SHISAL1: variants seen among roughly 807,000 people sequenced by gnomAD.
The protein encoded by SHISAL1 is protein shisa-like-1.
SHISAL1 carries 9 observed loss-of-function variants against 22.6 expected under a neutral mutation model. The observed-to-expected ratio is 0.40, with a 90% CI of 0.24 to 0.70. SHISAL1 has a LOEUF of 0.70. Ranked by LOEUF, SHISAL1 falls within the 30% of genes least tolerant of loss-of-function variation. SHISAL1 has a pLI of 0.39. For missense variants in SHISAL1, 246 were observed against 270.6 expected (o/e 0.91, Z 0.64); for synonymous variants, 119 against 115.4 (o/e 1.03, Z -0.20).
intron 4 of SHISAL1, among the ~76,000 whole-genome samples, chr22:44,259,473 T>TAA (rs35901732): frequency 0.32 from 44,849 of 141,796 alleles, 7,673 homozygotes; most frequent in Non-Finnish European, 0.4. Context: ...TAAAAATTAT[T>TAA]AAAAAAAAAA....
At chr22:44,300,851 C>T in intron 2 of SHISAL1, 28 bp downstream of exon 2, 3 of 1,608,668 alleles carry the variant, frequency 1.9e-6, no homozygotes, top group Non-Finnish European at 2.6e-6. Flanking sequence ...CGTGCCGCCC[C>T]CGCCCCCAGC....
chr22:44,248,701 G>A lies in SHISAL1; in HGVS notation c.*984C>T, dbSNP rs982608648. 3 of 152,252 alleles carry A rather than the reference G, an allele frequency of 2.0e-5. No homozygotes were observed. Among genetic ancestry groups the A allele is most frequent in the African/African-American group, 7.2e-5 (3 of 41,452 alleles). The allele number at this position is 152,252 out of a possible 1,614,324, so 9.4% of individuals were successfully genotyped here. On this transcript the variant is annotated 3_prime_UTR_variant, in exon 5 of 5. Transcript: ENST00000381176. ...CCAGCACGGGGCCTGGCACACAGCA[G>A]ATGCTTAGCCAGAATGTGCTGAGTG... is the stretch of plus-strand genomic sequence containing the variant.
Position 44,285,479 on chromosome 22 carries a change from C to G in SHISAL1, c.548G>C (p.Arg183Pro). The change falls in exon 4 of 5, where the codon CGG becomes CCG. Residue 183 changes from arginine to proline, a missense_variant. Physicochemically the swap from Arg to Pro is moderately radical, Grantham distance 103. Coordinates refer to ENST00000381176, the MANE Select transcript of SHISAL1 (RefSeq NM_001099294.2). ...PQAPQAVHTL[R>P]GDAHSPPLMT... ...CAGCGGTGGGCTGTGAGCATCTCCC[C>G]GCAATGTGTGCACGGCCTGTGGGGC... 1.9e-6 allele frequency: 3 copies of G among 1,614,036 alleles called. No homozygotes were observed. The highest frequency in any genetic ancestry group is 2.5e-6 in the Non-Finnish European group (3 of 1,179,934).
chr22:44,245,512 A>C lies in SHISAL1; in HGVS notation c.*4173T>G, dbSNP rs2147261635. ...AGTTCAGCCAAGTTGAAAAATTAAA[A>C]AATTTTACAAGTCTGCACCCCCGGG... On this transcript the variant is annotated 3_prime_UTR_variant, in exon 5 of 5. Coordinates refer to ENST00000381176, the MANE Select transcript of SHISAL1 (RefSeq NM_001099294.2). 1 of 152,370 alleles carries C rather than the reference A, an allele frequency of 6.6e-6. No individual in the cohort carries two copies. The highest frequency in any genetic ancestry group is 1.9e-4 in the East Asian group (1 of 5,188). The allele number at this position is 152,370 out of a possible 1,614,324, so 9.4% of individuals were successfully genotyped here.
At chr22:44,268,541 C>A (rs757908806) in intron 4 of SHISAL1, among the ~76,000 whole-genome samples, 1 of 152,158 alleles carries the variant, frequency 6.6e-6, no homozygotes. Flanking sequence ...GGGAGTGGAA[C>A]GAGGTGCCGG....
chr22:44,251,788 C>T (rs1275225098), intron 4 of SHISAL1, among the ~76,000 whole-genome samples: 7 of 152,170 alleles, frequency 4.6e-5, no homozygotes, highest in Admixed American at 3.9e-4. Flanking sequence ...CAGGTTCCTC[C>T]CATGCCACAT....
intron 1 of SHISAL1, among the ~76,000 whole-genome samples, chr22:44,301,514 G>A (rs1490419395): frequency 1.3e-5 from 2 of 152,188 alleles, no homozygotes; most frequent in East Asian, 3.9e-4. Context: ...CTGACAACAC[G>A]CAAACAAATG....
At position 44,273,844 on chromosome 22, in the gene SHISAL1, C is replaced by G. The variant is rs117378737; in HGVS notation, c.599+11584G>C. ...CAACTGTCTTGGGGGTGCAGTAAAA[C>G]AAATGGGCAACTCACAAGAGAGGAA... On this transcript the variant is annotated intron_variant, in intron 4 of 4. Transcript: ENST00000381176. Among the ~76,000 whole-genome samples, 129 of 152,124 alleles carry G rather than the reference C, an allele frequency of 8.5e-4. 3 individuals carry two copies. The East Asian group carries it at 0.021, about 25-fold the overall frequency.
intron 4 of SHISAL1, among the ~76,000 whole-genome samples, chr22:44,252,014 G>A (rs2055051134): frequency 6.6e-6 from 1 of 152,200 alleles, no homozygotes; most frequent in Admixed American, 6.5e-5. Context: ...TATAAATGGA[G>A]CCCTGCCAAG....
chr22:44,318,755 A>G, the SHISAL1 span, among the ~76,000 whole-genome samples: 2 of 152,340 alleles, frequency 1.3e-5, no homozygotes, highest in East Asian at 3.9e-4. Flanking sequence ...GCTGTCACAC[A>G]GGTTCTTTTA....
At chr22:44,267,464 G>A (rs1203821706) in intron 4 of SHISAL1, among the ~76,000 whole-genome samples, 1 of 151,396 alleles carries the variant, frequency 6.6e-6, no homozygotes, top group Non-Finnish European at 1.5e-5. Context: ...CCTGGTGCCG[G>A]CCCCTCCCCA....
intron 2 of SHISAL1, among the ~76,000 whole-genome samples, chr22:44,299,693 TAC>T (rs1224655839): frequency 6.6e-6 from 1 of 150,874 alleles, no homozygotes; most frequent in African/African-American, 2.4e-5. Context: ...CATGAGGAGG[TAC>T]AGAGAGACAC....
chr22:44,293,285 G>A (rs1238895191), intron 3 of SHISAL1, among the ~76,000 whole-genome samples: 1 of 152,216 alleles, frequency 6.6e-6, no homozygotes, highest in Non-Finnish European at 1.5e-5. Context: ...GCTATGGAGA[G>A]GGAAGGCGGC....
At chr22:44,272,974 G>C (rs1340255891) in intron 4 of SHISAL1, among the ~76,000 whole-genome samples, 1 of 152,074 alleles carries the variant, frequency 6.6e-6, no homozygotes, top group Non-Finnish European at 1.5e-5. Flanking sequence ...GCACATGCCT[G>C]TAGTCCCAGC....
At chr22:44,284,843 T>C (rs1481435395) in intron 4 of SHISAL1, among the ~76,000 whole-genome samples, 1 of 149,418 alleles carries the variant, frequency 6.7e-6, no homozygotes, top group Non-Finnish European at 1.5e-5. Context: ...AACATAACCC[T>C]GGGGCAGCCA....
intron 3 of SHISAL1, among the ~76,000 whole-genome samples, chr22:44,293,676 C>T (rs2055368033): frequency 6.6e-6 from 1 of 152,204 alleles, no homozygotes; most frequent in Non-Finnish European, 1.5e-5. Context: ...AGGCAAGTGA[C>T]TCAACTGCTC....
chr22:44,284,889 G>GCCTGCCTGCCTGCCTTCCTTCCTT (rs1569217634), intron 4 of SHISAL1, among the ~76,000 whole-genome samples: 14 of 75,852 alleles, frequency 1.8e-4, no homozygotes, highest in African/African-American at 8.6e-4. Flanking sequence ...CCACCTCTCT[G>GCCTGCCTGCCTGCCTTCCTTCCTT]CCTTCCTGCC....
intron 4 of SHISAL1, among the ~76,000 whole-genome samples, chr22:44,281,685 A>G (rs779539255): frequency 6.6e-6 from 1 of 152,148 alleles, no homozygotes; most frequent in African/African-American, 2.4e-5. Context: ...GGTTGTCCTG[A>G]CTACTTTCAG....
chr22:44,258,135 C>T (rs1300945744), intron 4 of SHISAL1, among the ~76,000 whole-genome samples: 2 of 151,796 alleles, frequency 1.3e-5, no homozygotes, highest in East Asian at 1.9e-4. Flanking sequence ...AATGAAACTC[C>T]GTCTCTAAAT....
Sources: gnomAD v4.1 joint callset for allele counts (sites outside exome capture counted in the v4.1 genomes callset) on GRCh38, gnomAD v4.1.1 for gene constraint, MANE v1.5 for transcripts, NCBI Gene and HGNC (gene_info 2026-07-23, HGNC 2026-07-21) for gene names.